CHSY3: variants seen among roughly 807,000 people sequenced by gnomAD.
CHSY3 encodes N-acetylgalactosaminyl-proteoglycan 3-beta-glucuronosyltransferase 3.
In CHSY3, 35 loss-of-function variants were observed where a neutral mutation model predicts 67.2. The ratio of observed to expected loss-of-function variants is 0.52; its 90% CI spans 0.40 to 0.69. The LOEUF (loss-of-function observed/expected upper bound fraction) is 0.69, where lower values mean the gene tolerates loss of function less well. Among genes scored for constraint, CHSY3 ranks in the 30% least tolerant of loss-of-function variants. The probability of loss-of-function intolerance (pLI) is 0.00; values close to 1 mark genes in which losing one functional copy is unlikely to be tolerated. For missense variants in CHSY3, 1,069 were observed against 1,138.5 expected (o/e 0.94, Z 0.88); for synonymous variants, 474 against 434.7 (o/e 1.09, Z -1.12).
chr5:130,034,360 A>G (rs1198447512), intron 2 of CHSY3, among the ~76,000 whole-genome samples: 1 of 152,140 alleles, frequency 6.6e-6, no homozygotes, highest in Non-Finnish European at 1.5e-5. Context: ...CATCTTTTCC[A>G]TATTTATGAG....
intron 2 of CHSY3, among the ~76,000 whole-genome samples, chr5:130,044,014 G>A (rs564812210): frequency 2.6e-5 from 4 of 152,172 alleles, no homozygotes; most frequent in East Asian, 3.9e-4. Context: ...GCACACAGCC[G>A]AATGGAGTCT....
At chr5:129,983,736 G>A (rs1253405757) in intron 2 of CHSY3, among the ~76,000 whole-genome samples, 1 of 152,018 alleles carries the variant, frequency 6.6e-6, no homozygotes, top group Non-Finnish European at 1.5e-5. Flanking sequence ...TAAGATCAAT[G>A]TATGCATAAA....
chr5:130,159,506 T>C (rs551646967), intron 2 of CHSY3, among the ~76,000 whole-genome samples: 17 of 152,210 alleles, frequency 1.1e-4, no homozygotes, highest in African/African-American at 3.9e-4. Context: ...TTTTATGTAG[T>C]ACTTGAATCA....
chr5:130,063,296 C>G (rs985655826), intron 2 of CHSY3, among the ~76,000 whole-genome samples: 4 of 151,934 alleles, frequency 2.6e-5, no homozygotes, highest in Admixed American at 1.3e-4. Flanking sequence ...AACAAATAAG[C>G]CTTTTGTCTT....
intron 2 of CHSY3, among the ~76,000 whole-genome samples, chr5:129,998,809 A>G (rs1763630301): frequency 6.6e-6 from 1 of 152,014 alleles, no homozygotes; most frequent in Admixed American, 6.6e-5. Context: ...CATTCAGTAC[A>G]GAAATTTGCT....
chr5:129,927,463 C>T (rs1358018917), intron 2 of CHSY3, among the ~76,000 whole-genome samples: 1 of 151,920 alleles, frequency 6.6e-6, no homozygotes, highest in Non-Finnish European at 1.5e-5. Flanking sequence ...GCTTGTAAAA[C>T]TTGAATTGCA....
intron 2 of CHSY3, among the ~76,000 whole-genome samples, chr5:130,062,608 C>T (rs537608722): frequency 2.2e-4 from 34 of 152,106 alleles, no homozygotes; most frequent in Middle Eastern, 3.4e-3. Context: ...GGTACATGTG[C>T]ATACCTATGT....
chr5:129,980,973 G>A (rs373231844), intron 2 of CHSY3, among the ~76,000 whole-genome samples: 2 of 151,594 alleles, frequency 1.3e-5, no homozygotes, highest in African/African-American at 2.4e-5. Context: ...TTGGGAGGCC[G>A]AGGCGGGCGG....
chr5:129,909,185 T>G (rs1162834997), intron 2 of CHSY3, among the ~76,000 whole-genome samples: 1 of 152,128 alleles, frequency 6.6e-6, no homozygotes, highest in Non-Finnish European at 1.5e-5. Context: ...ATAGATTTCC[T>G]AAAAGATAAT....
At chr5:130,165,026 G>A (rs1321285964) in intron 2 of CHSY3, among the ~76,000 whole-genome samples, 1 of 152,158 alleles carries the variant, frequency 6.6e-6, no homozygotes, top group African/African-American at 2.4e-5. Context: ...AGGGTGAAAG[G>A]TAGCAGAGAA....
intron 2 of CHSY3, among the ~76,000 whole-genome samples, chr5:130,019,864 C>G (rs777965548): frequency 3.9e-5 from 6 of 152,122 alleles, no homozygotes; most frequent in Non-Finnish European, 8.8e-5. Context: ...ATTGTTTGAT[C>G]AGTAAATTAG....
chr5:129,955,055 G>A (rs976444221), intron 2 of CHSY3, among the ~76,000 whole-genome samples: 2 of 152,018 alleles, frequency 1.3e-5, no homozygotes, highest in African/African-American at 4.8e-5. Context: ...TTTCAATATA[G>A]ACGGGTTTTC....
At chr5:130,157,871 C>T (rs1015273641) in intron 2 of CHSY3, among the ~76,000 whole-genome samples, 3 of 152,162 alleles carry the variant, frequency 2.0e-5, no homozygotes, top group African/African-American at 7.2e-5. Flanking sequence ...GGGAAATTCC[C>T]AGAACTGAGG....
At chr5:130,158,515 A>G (rs537960422) in intron 2 of CHSY3, among the ~76,000 whole-genome samples, 70 of 152,294 alleles carry the variant, frequency 4.6e-4, no homozygotes, top group African/African-American at 1.0e-3. Flanking sequence ...TCCCAGTTTA[A>G]AGAGATCAGA....
intron 2 of CHSY3, among the ~76,000 whole-genome samples, chr5:130,107,971 C>T (rs558768391): frequency 2.6e-4 from 39 of 151,716 alleles, no homozygotes; most frequent in African/African-American, 7.7e-4. Context: ...TATGTTACAA[C>T]GAAAAACATT....
chr5:130,150,647 G>A (rs1170843191), intron 2 of CHSY3, among the ~76,000 whole-genome samples: 2 of 152,066 alleles, frequency 1.3e-5, no homozygotes, highest in Non-Finnish European at 2.9e-5. Context: ...TTTCCATCAT[G>A]GTGCTAAGAG....
Position 130,185,044 on chromosome 5 carries a change from C to A in CHSY3, c.1902C>A (p.Phe634Leu), listed in dbSNP as rs760897729. 1 of 1,598,574 alleles carries A rather than the reference C, an allele frequency of 6.3e-7. No homozygotes were observed. Among genetic ancestry groups the A allele is most frequent in the African/African-American group, 1.3e-5 (1 of 74,714 alleles). ...LVPLIGRYDIFLRFMENFENM... is the reference protein window; with the variant it reads ...LVPLIGRYDILLRFMENFENM... ...CTCTCATCGGAAGGTATGACATTTT[C>A]TTGAGATTCATGGAGAACTTTGAAA... The change falls in exon 3 of 3, where the codon TTC becomes TTA. Residue 634 changes from phenylalanine (F) to leucine (L), a missense_variant. Physicochemically the swap from Phe to Leu is conservative, Grantham distance 22. This residue lies in a region of CHSY3 where 401 missense variants were observed against 395.2 expected (regional missense o/e 1.01). Transcript: ENST00000305031.
chr5:130,133,772 AAAAAAAAAAAAAAAAAAAAAAAAG>A (rs1424245226), intron 2 of CHSY3, among the ~76,000 whole-genome samples: 3 of 67,528 alleles, frequency 4.4e-5, no homozygotes, highest in Non-Finnish European at 8.4e-5. Flanking sequence ...ACTCCGTCTT[AAAAAAAAAAAAAAAAAAAAAAAAG>A]AAAAAAAAAA....
chr5:130,089,765 C>T (rs1037433011), intron 2 of CHSY3, among the ~76,000 whole-genome samples: 8 of 152,108 alleles, frequency 5.3e-5, no homozygotes, highest in Admixed American at 2.0e-4. Flanking sequence ...ACACATTTCT[C>T]TCTGGATAGA....
Sources: gnomAD v4.1 joint callset for allele counts (sites outside exome capture counted in the v4.1 genomes callset) on GRCh38, gnomAD v4.1.1 for gene constraint, gnomAD v4.1.1 regional missense constraint, MANE v1.5 for transcripts, NCBI Gene and HGNC (gene_info 2026-07-23, HGNC 2026-07-21) for gene names.